The following THOC1 variants were observed in gnomAD, a reference collection of about 807,000 sequenced individuals.
THOC1 encodes the protein THO complex subunit 1.
THOC1 carries 29 observed loss-of-function variants against 97.3 expected under a neutral mutation model. The observed-to-expected ratio is 0.30, with a 90% CI of 0.22 to 0.41. The LOEUF (loss-of-function observed/expected upper bound fraction) is 0.41, where lower values mean the gene tolerates loss of function less well. THOC1 is among the 10% of genes least tolerant of loss of function. The probability of loss-of-function intolerance (pLI) is 1.00; values close to 1 mark genes in which losing one functional copy is unlikely to be tolerated. For missense variants in THOC1, 529 were observed against 761.9 expected, an observed-to-expected ratio of 0.69 and a Z score of 3.60; for synonymous variants, 255 against 257.0, an observed-to-expected ratio of 0.99 and a Z score of 0.07.
chr18:251,930 A>G (rs1225497931), intron 9 of THOC1, among the ~76,000 whole-genome samples: 5 of 152,252 alleles, frequency 3.3e-5, no homozygotes, highest in African/African-American at 1.2e-4. Flanking sequence ...GTTTAATAAC[A>G]GAAGCATTTT....
chr18:246,654 G>T (rs1912098782), intron 10 of THOC1, among the ~76,000 whole-genome samples, 199 bp from the exon 11 acceptor site: 1 of 152,062 alleles, frequency 6.6e-6, no homozygotes, highest in Non-Finnish European at 1.5e-5. Flanking sequence ...TGTTGCAAAA[G>T]TAGGTACAAG....
chr18:216,440 G>A (rs775183804), intron 19 of THOC1, 46 bp downstream of exon 19: 6 of 1,575,668 alleles, frequency 3.8e-6, no homozygotes, highest in Non-Finnish European at 5.2e-6. Context: ...CAATTTTAAA[G>A]AAGATGTCAA....
chr18:223,453 T>G lies in THOC1; in HGVS notation c.1357A>C (p.Lys453Gln). The change falls in exon 17 of 21, where the codon AAA becomes CAA. Residue 453 changes from lysine (K) to glutamine (Q), a missense_variant. Physicochemically the swap from Lys to Gln is moderately conservative, Grantham distance 53. Around this residue, in one of 8 missense-constraint regions of THOC1, gnomAD observed 123 missense variants for 159.0 expected, o/e 0.77. Transcript: ENST00000261600. The stretch of plus-strand genomic sequence containing the variant: ...TGTTCAACTTGCCTTGTCTCTGATT[T>G]ACAGGCTTCCATATTATCAGGGCAA... ...NLCPDNMEAC[K>Q]SETREHMPTL... is the part of the protein sequence containing the mutation. 6.4e-7 allele frequency: 1 copy of G among 1,558,434 alleles called. No homozygotes were observed. The highest frequency in any genetic ancestry group is 8.7e-7 in the Non-Finnish European group (1 of 1,150,076).
intron 10 of THOC1, 55 bp from the exon 11 acceptor site, chr18:246,510 G>C: frequency 6.8e-7 from 1 of 1,473,182 alleles, no homozygotes; most frequent in Non-Finnish European, 9.2e-7. Context: ...TTTGTTTAGT[G>C]CTTTTCTGCA....
chr18:267,938 G>C, intron 1 of THOC1, 28 bp downstream of exon 1: 1 of 1,605,530 alleles, frequency 6.2e-7, no homozygotes, highest in South Asian at 1.1e-5. Flanking sequence ...CGCCGGGTCA[G>C]GCCTGCACCC....
chr18:225,353 G>A lies in THOC1; in HGVS notation c.1070C>T (p.Thr357Ile), dbSNP rs1474687858. Residue 357 changes from threonine to isoleucine, a missense_variant, in exon 13 of 21, where the codon ACA (threonine) becomes ATA (isoleucine). This residue lies in a region of THOC1 where 123 missense variants were observed against 159.0 expected (regional missense o/e 0.77). Transcript: ENST00000261600. ...DEQSLWIEDT[T>I]KSVYQLLSEN... The stretch of plus-strand genomic sequence containing the variant: ...TGAACTTACTTGATAAACTGATTTT[G>A]TAGTATCTTCAATCCAAAGTGATTG... 1 of 1,613,330 alleles carries A rather than the reference G, an allele frequency of 6.2e-7. No homozygotes were observed. The highest frequency in any genetic ancestry group is 8.5e-7 in the Non-Finnish European group (1 of 1,179,698).
chr18:249,025 C>T (rs1477132906), intron 9 of THOC1, among the ~76,000 whole-genome samples: 3 of 152,180 alleles, frequency 2.0e-5, no homozygotes, highest in Admixed American at 6.5e-5. Flanking sequence ...GCTGGGATTA[C>T]AGGCGTGTAC....
intron 17 of THOC1, 123 bp downstream of exon 17, chr18:223,317 G>C (rs1911156669): frequency 1.4e-6 from 1 of 699,728 alleles, no homozygotes; most frequent in Admixed American, 3.4e-5. Flanking sequence ...ACGCTGCTGT[G>C]CCAAAAGTCA....
At chr18:264,244 T>C (rs1007097244) in intron 3 of THOC1, among the ~76,000 whole-genome samples, 152 bp from the exon 4 acceptor site, 1 of 152,222 alleles carries the variant, frequency 6.6e-6, no homozygotes, top group Non-Finnish European at 1.5e-5. Flanking sequence ...AATATGAAGT[T>C]ACCAAAATTT....
chr18:265,610 G>GT, intron 1 of THOC1, 80 bp from the exon 2 acceptor site: 1 of 1,133,148 alleles, frequency 8.8e-7, no homozygotes, highest in Non-Finnish European at 1.2e-6. Flanking sequence ...CATTGATAGT[G>GT]TATCTTACTA....
At chr18:261,995 C>T (rs1912620941) in intron 4 of THOC1, among the ~76,000 whole-genome samples, 1 of 152,216 alleles carries the variant, frequency 6.6e-6, no homozygotes, top group Non-Finnish European at 1.5e-5. Context: ...GGGCCACAGA[C>T]ATCCCTTTCT....
At chr18:228,595 A>C (rs984216908) in intron 11 of THOC1, among the ~76,000 whole-genome samples, 4 of 152,130 alleles carry the variant, frequency 2.6e-5, no homozygotes, top group African/African-American at 9.7e-5. Flanking sequence ...TATAGGCTAT[A>C]GTCTGCCAAC....
intron 15 of THOC1, among the ~76,000 whole-genome samples, chr18:224,483 G>A (rs530513249): frequency 6.6e-6 from 1 of 151,904 alleles, no homozygotes; most frequent in Non-Finnish European, 1.5e-5. Context: ...GGAGGCTGAG[G>A]CATGAGAATC....
rs1336803779 is a variant in THOC1 at position 215,415 on chromosome 18, A to T, written c.1678+14T>A. On this transcript the variant is annotated intron_variant, in intron 20 of 20. Coordinates refer to ENST00000261600, the MANE Select transcript of THOC1 (RefSeq NM_005131.3). ...TTCAATTTTGTTAAATAACCAAGAA[A>T]ATTCAGTTCTTACTTTCATTTTCCT... 3 of 1,607,308 alleles carry T rather than the reference A, an allele frequency of 1.9e-6. No homozygotes were observed. The Admixed American group carries it at 5.0e-5, about 27-fold the overall frequency.
intron 1 of THOC1, among the ~76,000 whole-genome samples, chr18:267,694 C>A (rs562139310): frequency 2.2e-4 from 33 of 152,314 alleles, no homozygotes; most frequent in African/African-American, 7.9e-4. Flanking sequence ...CAGTAGTCTG[C>A]AGGTGGGCAC....
intron 17 of THOC1, among the ~76,000 whole-genome samples, chr18:222,196 T>C (rs1911116289): frequency 6.6e-6 from 1 of 152,204 alleles, no homozygotes; most frequent in Non-Finnish European, 1.5e-5. Context: ...TACATGTCAC[T>C]TTTATCAAGT....
At chr18:216,760 A>C in intron 18 of THOC1, 127 bp from the exon 19 acceptor site, 1 of 1,281,220 alleles carries the variant, frequency 7.8e-7, no homozygotes, top group Non-Finnish European at 1.0e-6. Context: ...TTGTATTTGA[A>C]TCTTATTCCT....
At chr18:248,771 A>T (rs1015020017) in intron 9 of THOC1, among the ~76,000 whole-genome samples, 1 of 151,416 alleles carries the variant, frequency 6.6e-6, no homozygotes, top group Non-Finnish European at 1.5e-5. Flanking sequence ...TTTTTTTTTT[A>T]AAGGAGTCTC....
chr18:234,527 T>TA (rs1911604605), intron 11 of THOC1, among the ~76,000 whole-genome samples: 1 of 152,254 alleles, frequency 6.6e-6, no homozygotes, highest in African/African-American at 2.4e-5. Flanking sequence ...ATACAGATCT[T>TA]AAAAATCTTT....
Sources: gnomAD v4.1 joint callset for allele counts (sites outside exome capture counted in the v4.1 genomes callset) on GRCh38, gnomAD v4.1.1 for gene constraint, gnomAD v4.1.1 regional missense constraint, MANE v1.5 for transcripts, NCBI Gene and HGNC (gene_info 2026-07-23, HGNC 2026-07-21) for gene names.